Variants in RHEX observed in about 807,000 individuals in gnomAD.
RHEX encodes the protein regulator of hemoglobinization and erythroid cell expansion protein.
Under a neutral mutation model 20.1 loss-of-function variants are expected in RHEX, and 18 were observed. The ratio of observed to expected loss-of-function variants is 0.90; its 90% CI spans 0.62 to 1.33. The LOEUF is 1.33. Among genes scored for constraint, RHEX ranks in the 40% most tolerant of loss-of-function variants. The probability of loss-of-function intolerance (pLI) is 0.00; values close to 1 mark genes in which losing one functional copy is unlikely to be tolerated. For synonymous variants in RHEX, 87 were observed against 77.1 expected (o/e 1.13, Z -0.67); for missense variants, 192 against 214.3 (o/e 0.90, Z 0.65).
intron 1 of RHEX, among the ~76,000 whole-genome samples, chr1:206,075,808 G>T (rs1375730583): frequency 6.6e-6 from 1 of 152,014 alleles, no homozygotes; most frequent in Non-Finnish European, 1.5e-5. Context: ...CACCATGTTG[G>T]CTAGGCTGGT....
chr1:206,095,896 T>G (rs1247788953), intron 1 of RHEX, among the ~76,000 whole-genome samples: 1 of 152,010 alleles, frequency 6.6e-6, no homozygotes, highest in East Asian at 1.9e-4. Context: ...AGTGGCATGA[T>G]CATGGCTCAC....
At chr1:206,059,790 T>C (rs868983197) in intron 1 of RHEX, among the ~76,000 whole-genome samples, 10 of 152,156 alleles carry the variant, frequency 6.6e-5, no homozygotes, top group Admixed American at 1.3e-4. Context: ...ATGGACTTTG[T>C]GTCTCCATCC....
intron 1 of RHEX, among the ~76,000 whole-genome samples, chr1:206,063,546 C>G (rs1321681176): frequency 1.3e-5 from 2 of 152,264 alleles, no homozygotes; most frequent in Non-Finnish European, 2.9e-5. Context: ...CGCGCGCCGC[C>G]ACGCCTGACT....
At chr1:206,100,217 T>C (rs1361576517) in intron 4 of RHEX, among the ~76,000 whole-genome samples, 1 of 152,200 alleles carries the variant, frequency 6.6e-6, no homozygotes, top group South Asian at 2.1e-4. Flanking sequence ...TCCTCCATAG[T>C]CCCTAGAGGG....
chr1:206,101,715 G>T, intron 5 of RHEX, 37 bp from the exon 6 acceptor site: 1 of 1,513,628 alleles, frequency 6.6e-7, no homozygotes, highest in Non-Finnish European at 9.1e-7. Flanking sequence ...AAACGTGGTA[G>T]GGATCTTGAC....
intron 1 of RHEX, among the ~76,000 whole-genome samples, chr1:206,054,324 T>C (rs1210505172): frequency 6.6e-6 from 1 of 152,248 alleles, no homozygotes; most frequent in African/African-American, 2.4e-5. Context: ...GCAAAAAATG[T>C]TGTATAATTT....
chr1:206,086,562 G>A (rs1226732961), intron 1 of RHEX, among the ~76,000 whole-genome samples: 7 of 152,146 alleles, frequency 4.6e-5, no homozygotes, highest in Admixed American at 2.6e-4. Context: ...CCCTCCACGG[G>A]GGATTACAAC....
At chr1:206,081,838 C>T (rs1662741803) in intron 1 of RHEX, among the ~76,000 whole-genome samples, 1 of 152,178 alleles carries the variant, frequency 6.6e-6, no homozygotes, top group Non-Finnish European at 1.5e-5. Context: ...GCCATATCTA[C>T]ACTGGGTTCC....
intron 5 of RHEX, 88 bp from the exon 6 acceptor site, chr1:206,101,664 C>T (rs28412824): frequency 0.096 from 99,412 of 1,034,982 alleles, 5,600 homozygotes; most frequent in African/African-American, 0.19. Context: ...ATGGGCGAAT[C>T]TTGTTGAGTA....
chr1:206,054,552 T>C (rs149184183), intron 1 of RHEX, among the ~76,000 whole-genome samples: 2,349 of 152,286 alleles, frequency 0.015, 55 homozygotes, highest in African/African-American at 0.051. Flanking sequence ...ACATATTAGC[T>C]AAAGTTAAAA....
intron 1 of RHEX, among the ~76,000 whole-genome samples, chr1:206,080,064 C>G (rs532487244): frequency 4.3e-4 from 66 of 152,296 alleles, no homozygotes; most frequent in African/African-American, 1.6e-3. Flanking sequence ...ATCCTAATTG[C>G]AATGGGAAGC....
chr1:206,092,335 G>T (rs74144318), intron 1 of RHEX, among the ~76,000 whole-genome samples: 2,345 of 152,312 alleles, frequency 0.015, 54 homozygotes, highest in African/African-American at 0.053. Flanking sequence ...ATCCTCAGAA[G>T]TAGTTATCAT....
chr1:206,065,405 C>T (rs1212111426), intron 1 of RHEX, among the ~76,000 whole-genome samples: 1 of 152,166 alleles, frequency 6.6e-6, no homozygotes, highest in Non-Finnish European at 1.5e-5. Flanking sequence ...TTGCATGCTT[C>T]TCTGGAGGCA....
At chr1:206,069,200 C>T (rs1036462157) in intron 1 of RHEX, among the ~76,000 whole-genome samples, 1 of 152,234 alleles carries the variant, frequency 6.6e-6, no homozygotes, top group Non-Finnish European at 1.5e-5. Flanking sequence ...TTTTGATTGT[C>T]ACACCTGGGT....
At chr1:206,061,149 T>C (rs1553283280) in intron 1 of RHEX, 4 of 152,116 alleles carry the variant, frequency 2.6e-5, no homozygotes, top group African/African-American at 7.2e-5. Flanking sequence ...TTCTAAATAA[T>C]AAACAAAATT....
At chr1:206,054,134 A>C (rs1461381671) in intron 1 of RHEX, among the ~76,000 whole-genome samples, 151 of 152,308 alleles carry the variant, frequency 9.9e-4, no homozygotes, top group Non-Finnish European at 4.1e-4. Flanking sequence ...TTCAAAAAAA[A>C]AAAAAAGTGG....
chr1:206,063,515 C>A (rs973538945), intron 1 of RHEX, among the ~76,000 whole-genome samples: 1 of 152,236 alleles, frequency 6.6e-6, no homozygotes, highest in Non-Finnish European at 1.5e-5. Context: ...CCTCAGCCTG[C>A]GGAGTGCCTG....
chr1:206,067,777 C>T lies in RHEX; in HGVS notation c.-97+14512C>T, dbSNP rs35643513. On this transcript the variant is annotated intron_variant, in intron 1 of 5. Transcript: ENST00000331555. This position sits in a 1 kb window ranked among gnomAD's most constrained non-coding sequence, Gnocchi z 4.6. ...TCTTTGCAGACAGCCCCTTCTCTGC[C>T]GTGCTGCCCATTGCCTCCTTGCAAC... Among the ~76,000 whole-genome samples the T allele has an allele frequency of 0.096, 14,557 of 152,200 alleles. 747 individuals are homozygous for T. Among genetic ancestry groups the T allele is most frequent in the South Asian group, 0.19 (931 of 4,808 alleles).
chr1:206,064,344 G>T (rs1471292045), intron 1 of RHEX, among the ~76,000 whole-genome samples: 1 of 139,052 alleles, frequency 7.2e-6, no homozygotes, highest in Non-Finnish European at 1.5e-5. Flanking sequence ...ACTGGGAAGT[G>T]AGGAGCCCCT....
Sources: allele counts gnomAD v4.1 joint callset (sites outside exome capture counted in the v4.1 genomes callset), GRCh38; gene constraint gnomAD v4.1.1; non-coding constraint Gnocchi (gnomAD v3.1); transcripts MANE v1.5; gene names NCBI Gene and HGNC (gene_info 2026-07-23, HGNC 2026-07-21).